EHBP1: variants seen among roughly 807,000 people sequenced by gnomAD.
EHBP1 encodes the protein EH domain-binding protein 1.
In EHBP1, 55 loss-of-function variants were observed where a neutral mutation model predicts 144.0. The observed-to-expected ratio is 0.38, with a 90% CI of 0.31 to 0.48. The LOEUF is 0.48. Among genes scored for constraint, EHBP1 ranks in the 20% least tolerant of loss-of-function variants. The pLI, the probability that EHBP1 is intolerant of heterozygous loss-of-function variation, is 0.98. For synonymous variants in EHBP1, 469 were observed against 472.7 expected (o/e 0.99, Z 0.10); for missense variants, 1,200 against 1,364.2 (o/e 0.88, Z 1.90).
chr2:62,787,420 A>G (rs1243567657), intron 5 of EHBP1, among the ~76,000 whole-genome samples: 1 of 13,342 alleles, frequency 7.5e-5, no homozygotes, highest in African/African-American at 3.2e-4. Flanking sequence ...CCCTTGCTCC[A>G]TTAATGTGTT....
chr2:62,684,322 T>G (rs1210258839), intron 1 of EHBP1, among the ~76,000 whole-genome samples: 4 of 147,738 alleles, frequency 2.7e-5, no homozygotes, highest in Admixed American at 6.8e-5. Context: ...GGGGGTAGAG[T>G]GGGGGAGGTA....
At position 62,979,177 on chromosome 2, in the gene EHBP1, A is replaced by C; in HGVS notation, c.2461-11A>C. 1 of 1,609,746 alleles carries C rather than the reference A, an allele frequency of 6.2e-7. No individual in the cohort carries two copies. Among genetic ancestry groups the C allele is most frequent in the Non-Finnish European group, 8.5e-7 (1 of 1,177,852 alleles). ...CAATTACTGAGTTGGCAACTGTTCAATATATCTTAGCAGCAAGATGAAGAG... is the reference window on the plus strand; with the variant it reads ...CAATTACTGAGTTGGCAACTGTTCACTATATCTTAGCAGCAAGATGAAGAG... On this transcript the variant is annotated splice_polypyrimidine_tract_variant and intron_variant, in intron 14 of 22. Coordinates refer to ENST00000431489, the MANE Select transcript of EHBP1 (RefSeq NM_001142616.3).
At chr2:62,845,696 TAAAA>T (rs776199283) in intron 7 of EHBP1, among the ~76,000 whole-genome samples, 1 of 133,238 alleles carries the variant, frequency 7.5e-6, no homozygotes, top group Non-Finnish European at 1.6e-5. Context: ...TGGGCTCAAT[TAAAA>T]AAAAAAAAAA....
intron 11 of EHBP1, 33 bp downstream of exon 11, chr2:62,942,929 TGTAA>T: frequency 7.0e-7 from 1 of 1,437,976 alleles, no homozygotes; most frequent in Non-Finnish European, 9.4e-7. Flanking sequence ...CCCTATATTT[TGTAA>T]GTGATAGACA....
chr2:62,994,089 C>T, intron 18 of EHBP1, 112 bp downstream of exon 18: 1 of 652,496 alleles, frequency 1.5e-6, no homozygotes. Context: ...ATGTCAATCT[C>T]CAGTGCATTC....
intron 19 of EHBP1, among the ~76,000 whole-genome samples, chr2:63,036,442 G>A (rs1574570990): frequency 6.6e-6 from 1 of 151,822 alleles, no homozygotes. Context: ...GGTGGAAGAG[G>A]GCTATCCTTG....
chr2:62,972,367 G>T (rs201262865), intron 14 of EHBP1, among the ~76,000 whole-genome samples: 2 of 151,984 alleles, frequency 1.3e-5, no homozygotes, highest in Admixed American at 1.3e-4. Flanking sequence ...TGGCTATTTT[G>T]AGTAAAAAAG....
At chr2:62,691,866 G>T (rs1408873649) in intron 1 of EHBP1, among the ~76,000 whole-genome samples, 1 of 152,204 alleles carries the variant, frequency 6.6e-6, no homozygotes, top group Non-Finnish European at 1.5e-5. Context: ...TGTGGCTGCA[G>T]TGGTTTCTTT....
chr2:62,993,957 T>C lies in EHBP1; in HGVS notation c.2959T>C (p.Ser987Pro), dbSNP rs2059528048. Reference protein sequence around the residue: ...AAITETQRKPSEDEVLNKGFK... With the variant: ...AAITETQRKPPEDEVLNKGFK... ...GATAACTGAAACTCAGAGGAAGCCA[T>C]CAGAAGATGAAGTGCTTAATGTATA... Residue 987 changes from serine to proline, a missense_variant, in exon 18 of 23, where the codon TCA becomes CCA. By Grantham distance (74) the Ser-to-Pro change is moderately conservative (BLOSUM62 -1). Transcript: ENST00000431489. The C allele has an allele frequency of 6.3e-7, 1 of 1,580,748 alleles. No homozygotes were observed. The highest frequency in any genetic ancestry group is 8.6e-7 in the Non-Finnish European group (1 of 1,160,288).
rs572543415 is a variant in EHBP1, at chr2:63,015,865, A to G, written c.3103+19099A>G. Among the ~76,000 whole-genome samples the G allele has an allele frequency of 4.6e-5, 7 of 152,326 alleles. No individual in the cohort carries two copies. In the South Asian group the frequency reaches 1.2e-3, roughly 27 times the overall value. On this transcript the variant is annotated intron_variant, in intron 19 of 22. Transcript: ENST00000431489. ...GATAAAATAGAAAATAAAGTTTTCTAGGTTATTAAAGTTGAATACCCAGTT... is the reference window on the plus strand; with the variant it reads ...GATAAAATAGAAAATAAAGTTTTCTGGGTTATTAAAGTTGAATACCCAGTT...
chr2:62,788,342 GT>G, intron 5 of EHBP1, among the ~76,000 whole-genome samples: 1 of 151,860 alleles, frequency 6.6e-6, no homozygotes. Context: ...GTGTTGTGAT[GT>G]TTTTTCCCTT....
chr2:62,682,154 A>G (rs2033552766), intron 1 of EHBP1, among the ~76,000 whole-genome samples: 1 of 152,278 alleles, frequency 6.6e-6, no homozygotes, highest in South Asian at 2.1e-4. Context: ...AAGGATGTGG[A>G]GGACATGCCT....
chr2:62,752,097 T>C (rs1311101182), intron 3 of EHBP1, among the ~76,000 whole-genome samples: 1 of 152,222 alleles, frequency 6.6e-6, no homozygotes, highest in Non-Finnish European at 1.5e-5. Context: ...TTTAGATCTT[T>C]CCTGCTTTCT....
chr2:62,894,718 T>C (rs2052738293), intron 10 of EHBP1, among the ~76,000 whole-genome samples: 1 of 152,134 alleles, frequency 6.6e-6, no homozygotes, highest in Admixed American at 6.6e-5. Context: ...AATAGTAGCA[T>C]TCTATTGAAA....
rs750905032 is a variant in EHBP1, at chr2:62,874,740, T to C, written c.1185+208T>C. 3.3e-5 allele frequency among the ~76,000 whole-genome samples: 5 copies of C among 152,194 alleles called. No homozygotes were observed. In the East Asian group the frequency reaches 7.7e-4, roughly 23 times the overall value. On this transcript the variant is annotated intron_variant, in intron 10 of 22. Transcript: ENST00000431489. ...ATGGATTGGATGGCTTGGGTTAAGA[T>C]TGTTTTTAAAATGCTATTTTGAAAT...
In EHBP1 at chr2:63,037,529, T is replaced by G; in HGVS notation, c.3104-6T>G. 6.3e-7 allele frequency: 1 copy of G among 1,592,772 alleles called. No individual in the cohort carries two copies. The highest frequency in any genetic ancestry group is 8.6e-7 in the Non-Finnish European group (1 of 1,166,268). ...ATAGTAAAAGGTAACTCTTCCCGAATTATAGGAAGGAACACAGAAGAAGAA... is the reference window on the plus strand; with the variant it reads ...ATAGTAAAAGGTAACTCTTCCCGAAGTATAGGAAGGAACACAGAAGAAGAA... On this transcript the variant is annotated splice_region_variant and splice_polypyrimidine_tract_variant and intron_variant, in intron 19 of 22. Coordinates refer to ENST00000431489, the MANE Select transcript of EHBP1 (RefSeq NM_001142616.3).
chr2:62,864,634 A>T (rs2049899371), intron 8 of EHBP1, 97 bp from the exon 9 acceptor site: 3 of 1,203,244 alleles, frequency 2.5e-6, no homozygotes, highest in Admixed American at 2.4e-5. Context: ...CATAGAGCTT[A>T]TTAATTCAAT....
At chr2:62,931,276 T>C (rs1445755673) in intron 10 of EHBP1, among the ~76,000 whole-genome samples, 1 of 152,156 alleles carries the variant, frequency 6.6e-6, no homozygotes, top group African/African-American at 2.4e-5. Flanking sequence ...GAAAAGATGC[T>C]CGACATCACT....
At chr2:62,684,082 T>C (rs1038619211) in intron 1 of EHBP1, among the ~76,000 whole-genome samples, 1 of 152,200 alleles carries the variant, frequency 6.6e-6, no homozygotes, top group African/African-American at 2.4e-5. Context: ...TATAGTATTG[T>C]CATCTTAGGA....
Sources: gnomAD v4.1 joint callset for allele counts (sites outside exome capture counted in the v4.1 genomes callset) on GRCh38, gnomAD v4.1.1 for gene constraint, MANE v1.5 for transcripts, NCBI Gene and HGNC (gene_info 2026-07-23, HGNC 2026-07-21) for gene names.